Variants in CSNK2A2IP observed in about 807,000 individuals in gnomAD.
CSNK2A2IP encodes the protein casein kinase II subunit alpha'-interacting protein.
At chr3:88,400,969 G>A in the CSNK2A2IP span, among the ~76,000 whole-genome samples, 2 of 152,056 alleles carry the variant, frequency 1.3e-5, no homozygotes, top group African/African-American at 4.8e-5. Context: ...TGAGATGTAG[G>A]GTGTGTGTAG....
the CSNK2A2IP span, among the ~76,000 whole-genome samples, chr3:88,396,385 G>A: frequency 6.6e-6 from 1 of 152,094 alleles, no homozygotes; most frequent in African/African-American, 2.4e-5. Context: ...GATTACAGGC[G>A]TGAGCCACCG....
At chr3:88,447,097 G>T in the CSNK2A2IP span, among the ~76,000 whole-genome samples, 9 of 152,250 alleles carry the variant, frequency 5.9e-5, no homozygotes, top group Admixed American at 4.6e-4. Flanking sequence ...TGTAGTATAT[G>T]TGACTAAAGC....
the CSNK2A2IP span, chr3:88,466,051 T>C: frequency 5.8e-5 from 72 of 1,231,562 alleles, no homozygotes; most frequent in African/African-American, 4.5e-4. Context: ...CCTTTGGACA[T>C]CTTCATTGCA....
At chr3:88,429,791 C>T in the CSNK2A2IP span, among the ~76,000 whole-genome samples, 14 of 152,096 alleles carry the variant, frequency 9.2e-5, no homozygotes, top group South Asian at 2.1e-4. Context: ...CTCGTTCTGT[C>T]GCCCAGGCTG....
the CSNK2A2IP span, among the ~76,000 whole-genome samples, chr3:88,440,574 A>G: frequency 6.6e-6 from 1 of 152,180 alleles, no homozygotes; most frequent in Non-Finnish European, 1.5e-5. Context: ...AACTTTTTGG[A>G]AAAGAAAAAA....
At chr3:88,456,657 CTTTTT>C in the CSNK2A2IP span, among the ~76,000 whole-genome samples, 1 of 140,102 alleles carries the variant, frequency 7.1e-6, no homozygotes, top group Non-Finnish European at 1.5e-5. Flanking sequence ...TCTTCCTTTC[CTTTTT>C]TTTTTTTTTC....
chr3:88,357,247 A>T, the CSNK2A2IP span, among the ~76,000 whole-genome samples: 1 of 152,064 alleles, frequency 6.6e-6, no homozygotes, highest in East Asian at 1.9e-4. Context: ...TTTGATTTTA[A>T]ATTTAAGTAT....
the CSNK2A2IP span, among the ~76,000 whole-genome samples, chr3:88,434,359 A>T: frequency 2.0e-5 from 3 of 152,088 alleles, no homozygotes; most frequent in Non-Finnish European, 4.4e-5. Flanking sequence ...TGCAGAAAAA[A>T]AAAATAAAAT....
At chr3:88,404,764 A>C in the CSNK2A2IP span, among the ~76,000 whole-genome samples, 1 of 127,012 alleles carries the variant, frequency 7.9e-6, no homozygotes, top group African/African-American at 2.6e-5. Context: ...CCTTTGTCCA[A>C]ACATCACCGC....
chr3:88,463,554 C>A, the CSNK2A2IP span, among the ~76,000 whole-genome samples: 1 of 152,080 alleles, frequency 6.6e-6, no homozygotes, highest in Non-Finnish European at 1.5e-5. Flanking sequence ...TGAAAAAATG[C>A]TCATCATCAC....
At chr3:88,437,522 A>G in the CSNK2A2IP span, among the ~76,000 whole-genome samples, 1 of 152,226 alleles carries the variant, frequency 6.6e-6, no homozygotes, top group African/African-American at 2.4e-5. Context: ...CAGTCATATT[A>G]TTGTAAAACT....
chr3:88,443,900 AAAT>A, the CSNK2A2IP span, among the ~76,000 whole-genome samples: 7 of 152,074 alleles, frequency 4.6e-5, no homozygotes, highest in African/African-American at 1.4e-4. Context: ...ATAAAAAAAA[AAAT>A]AAAAGTGTAA....
chr3:88,357,977 T>A, the CSNK2A2IP span, among the ~76,000 whole-genome samples: 3 of 152,146 alleles, frequency 2.0e-5, no homozygotes, highest in African/African-American at 7.2e-5. Context: ...TCTGCCCACC[T>A]CTGCCTCTCA....
At chr3:88,442,034 G>A in the CSNK2A2IP span, among the ~76,000 whole-genome samples, 1 of 152,040 alleles carries the variant, frequency 6.6e-6, no homozygotes, top group African/African-American at 2.4e-5. Flanking sequence ...AAAATGAATA[G>A]CTTTACATTA....
the CSNK2A2IP span, among the ~76,000 whole-genome samples, chr3:88,397,133 T>C: frequency 4.6e-5 from 7 of 152,122 alleles, no homozygotes; most frequent in Admixed American, 1.3e-4. Context: ...TACCGCCCAA[T>C]AGGAAATAGC....
the CSNK2A2IP span, among the ~76,000 whole-genome samples, chr3:88,351,171 T>C: frequency 5.2e-3 from 787 of 152,248 alleles, 10 homozygotes; most frequent in South Asian, 0.017. Context: ...CTAAATGTAT[T>C]TTATTACTTG....
At chr3:88,437,678 T>C in the CSNK2A2IP span, among the ~76,000 whole-genome samples, 2 of 152,056 alleles carry the variant, frequency 1.3e-5, no homozygotes, top group Non-Finnish European at 2.9e-5. Context: ...TAAAAGCAAA[T>C]GAAATTTAAT....
the CSNK2A2IP span, among the ~76,000 whole-genome samples, chr3:88,414,197 A>G: frequency 1.3e-3 from 194 of 145,954 alleles, 5 homozygotes; most frequent in African/African-American, 4.5e-3. Context: ...ATATATATGT[A>G]TATATATATA....
the CSNK2A2IP span, among the ~76,000 whole-genome samples, chr3:88,349,204 T>G: frequency 6.6e-6 from 1 of 152,048 alleles, no homozygotes; most frequent in Non-Finnish European, 1.5e-5. Context: ...TCTTTAGTGG[T>G]GAGTGCTGAG....
Sources: allele counts gnomAD v4.1 joint callset (sites outside exome capture counted in the v4.1 genomes callset), GRCh38; gene constraint gnomAD v4.1.1; transcripts MANE v1.5; gene names NCBI Gene and HGNC (gene_info 2026-07-23, HGNC 2026-07-21).